The following TEX35 variants were observed in gnomAD, a reference collection of about 807,000 sequenced individuals.
The protein encoded by TEX35 is testis-expressed protein 35.
Under a neutral mutation model 31.9 loss-of-function variants are expected in TEX35, and 26 were observed. That is an observed-to-expected ratio of 0.81 (90% CI 0.60 to 1.13). The LOEUF is 1.13. Among genes scored for constraint, TEX35 ranks in the 50% most tolerant of loss-of-function variants. The probability of loss-of-function intolerance (pLI) is 0.00; values close to 1 mark genes in which losing one functional copy is unlikely to be tolerated. For missense variants in TEX35, 278 were observed against 273.5 expected, an observed-to-expected ratio of 1.02 and a Z score of -0.12; for synonymous variants, 87 against 90.7, an observed-to-expected ratio of 0.96 and a Z score of 0.23.
intron 5 of TEX35, among the ~76,000 whole-genome samples, chr1:178,519,174 C>T (rs1650181542): frequency 6.6e-6 from 1 of 152,072 alleles, no homozygotes; most frequent in Non-Finnish European, 1.5e-5. Flanking sequence ...GCAAGAACAC[C>T]ACAGCTGGAC....
At position 178,516,678 on chromosome 1, in the gene TEX35, A is replaced by C. The variant is rs747397320; in HGVS notation, c.276+4A>C. The C allele has an allele frequency of 6.2e-6, 10 of 1,607,092 alleles. No homozygotes were observed. Among genetic ancestry groups the C allele is most frequent in the Admixed American group, 5.0e-5 (3 of 59,608 alleles). ...CGAATTTGTGGAAATTATGAAGGTA[A>C]GCATTACTTGAGTGCCTTCCATGGG... On this transcript the variant is annotated splice_donor_region_variant and intron_variant, in intron 5 of 8. Coordinates refer to ENST00000319416, the MANE Select transcript of TEX35 (RefSeq NM_032126.5).
rs199926250 is a variant in TEX35 at position 178,514,070 on chromosome 1, C to T, written c.83C>T (p.Pro28Leu). 2.4e-4 allele frequency: 392 copies of T among 1,614,196 alleles called. No homozygotes were observed. The highest frequency in any genetic ancestry group is 3.0e-4 in the Non-Finnish European group (356 of 1,180,040). ...KAVCLELKPEPTKTFDYKAVK... is the reference protein window; with the variant it reads ...KAVCLELKPELTKTFDYKAVK... Reference sequence around the variant, plus strand: ...GTTTGCCTGGAATTGAAGCCAGAGCCGACCAAAGTAAGAAGCCCTTTTGAG... The same window carrying T: ...GTTTGCCTGGAATTGAAGCCAGAGCTGACCAAAGTAAGAAGCCCTTTTGAG... Residue 28 changes from proline (P) to leucine (L), a missense_variant, in exon 2 of 9, where the codon CCG becomes CTG. Coordinates refer to ENST00000319416, the MANE Select transcript of TEX35 (RefSeq NM_032126.5).
At chr1:178,522,055 C>T (rs1216258169) in intron 8 of TEX35, 28 of 653,704 alleles carry the variant, frequency 4.3e-5, no homozygotes, top group Non-Finnish European at 6.6e-5. Flanking sequence ...GGACGCCAGT[C>T]TGTGTGGTCT....
At chr1:178,516,355 G>A (rs1650077889) in intron 4 of TEX35, among the ~76,000 whole-genome samples, 2 of 152,348 alleles carry the variant, frequency 1.3e-5, no homozygotes, top group South Asian at 4.1e-4. Context: ...TGTAATCGAA[G>A]CTGTGGTTCA....
At chr1:178,522,940 C>A (rs1650338204), downstream of TEX35, among the ~76,000 whole-genome samples, 1 of 152,170 alleles carries the variant, frequency 6.6e-6, no homozygotes, top group African/African-American at 2.4e-5. Context: ...CCCTACCGGC[C>A]CCCAAGCCCC....
chr1:178,515,562 C>CATTA (rs778839622), intron 3 of TEX35, among the ~76,000 whole-genome samples: 4 of 151,956 alleles, frequency 2.6e-5, no homozygotes, highest in South Asian at 4.2e-4. Flanking sequence ...CTTTTTAAAA[C>CATTA]ATTAATTAAT....
intron 8 of TEX35, chr1:178,521,711 T>A (rs1310068380): frequency 6.4e-7 from 1 of 1,551,830 alleles, no homozygotes. Context: ...ATTCATCACC[T>A]CCAAGCTCCT....
intron 5 of TEX35, among the ~76,000 whole-genome samples, chr1:178,518,565 A>T (rs917200212): frequency 1.1e-4 from 16 of 152,314 alleles, no homozygotes; most frequent in African/African-American, 2.9e-4. Context: ...AATAAGAACT[A>T]AAAAAGCAAG....
intron 8 of TEX35, 118 bp downstream of exon 8, chr1:178,521,382 G>A: frequency 7.9e-7 from 1 of 1,269,524 alleles, no homozygotes; most frequent in South Asian, 1.2e-5. Context: ...CAGGAGTAGG[G>A]ACTGTTAGCA....
chr1:178,516,740 C>A, intron 5 of TEX35, 66 bp downstream of exon 5: 2 of 1,131,278 alleles, frequency 1.8e-6, no homozygotes, highest in Non-Finnish European at 2.6e-6. Context: ...GAGACACCAG[C>A]AGACCCTGCC....
chr1:178,513,338 CTT>C, intron 1 of TEX35, 111 bp downstream of exon 1: 1 of 1,393,158 alleles, frequency 7.2e-7, no homozygotes, highest in East Asian at 2.4e-5. Context: ...TCTGGTTTTT[CTT>C]TCTCTGTACT....
At position 178,521,264 on chromosome 1, in the gene TEX35, G is replaced by T. The variant is rs201449108; in HGVS notation, c.586G>T (p.Gly196Trp). 1.9e-6 allele frequency: 3 copies of T among 1,614,202 alleles called. No individual in the cohort carries two copies. The African/African-American group carries it at 4.0e-5, about 22-fold the overall frequency. ...TGCTCTAAAGAACAACTACAATCGGGGTAGGTAGATTCATACAAGATGTGC... is the reference window on the plus strand; with the variant it reads ...TGCTCTAAAGAACAACTACAATCGGTGTAGGTAGATTCATACAAGATGTGC... Reference protein sequence around the residue: ...LCALKNNYNRGNIPSEASGLY... With the variant: ...LCALKNNYNRWNIPSEASGLY... Residue 196 changes from glycine to tryptophan, a missense_variant and splice_region_variant, in exon 8 of 9, where the codon GGG becomes TGG. Gly to Trp is a radical substitution (Grantham distance 184). Transcript: ENST00000319416.
At chr1:178,520,281 T>C in intron 5 of TEX35, 91 bp from the exon 6 acceptor site, 1 of 1,313,622 alleles carries the variant, frequency 7.6e-7, no homozygotes, top group South Asian at 1.4e-5. Context: ...CTTGAGGAAG[T>C]AAGATGCAGA....
intron 4 of TEX35, 78 bp from the exon 5 acceptor site, chr1:178,516,537 A>C: frequency 7.6e-7 from 1 of 1,320,316 alleles, no homozygotes; most frequent in South Asian, 1.2e-5. Flanking sequence ...CCTTTGCTTA[A>C]AATGCCTGAA....
At chr1:178,521,085 C>A in intron 7 of TEX35, 137 bp from the exon 8 acceptor site, 1 of 1,578,768 alleles carries the variant, frequency 6.3e-7, no homozygotes, top group South Asian at 1.2e-5. Context: ...AGGACTTGAC[C>A]CTGGATGGGC....
chr1:178,521,006 C>G (rs978167922), intron 7 of TEX35, 132 bp downstream of exon 7: 1 of 1,540,434 alleles, frequency 6.5e-7, no homozygotes, highest in African/African-American at 1.4e-5. Context: ...TGGGTGCCGC[C>G]CGAGCCTGCG....
At position 178,520,651 on chromosome 1, in the gene TEX35, CT is replaced by C. The variant is rs778430025; in HGVS notation, c.342-21del. 4 of 1,611,676 alleles carry C rather than the reference CT, an allele frequency of 2.5e-6. No homozygotes were observed. In the African/African-American group the frequency reaches 5.3e-5, roughly 21 times the overall value. ...AAAATGTCTCCCCAACTCTCTGCCC[CT>C]CCCTGGCCCTCCTCCCCCAGTCCCC... On this transcript the variant is annotated intron_variant, in intron 6 of 8. Coordinates refer to ENST00000319416, the MANE Select transcript of TEX35 (RefSeq NM_032126.5).
rs771962107 is a variant in TEX35 at position 178,513,232 on chromosome 1, AAG to A, written c.39+11_39+12del. ...GAATTGAAGAAAACACATCTGGTAAAAGAGAGACATTGCTGGACAGTGTGGGT... is the reference window on the plus strand; with the variant it reads ...GAATTGAAGAAAACACATCTGGTAAAAGAGACATTGCTGGACAGTGTGGGT... On this transcript the variant is annotated splice_donor_region_variant and intron_variant, in intron 1 of 8. Coordinates refer to ENST00000319416, the MANE Select transcript of TEX35 (RefSeq NM_032126.5). The A allele has an allele frequency of 3.1e-6, 5 of 1,614,212 alleles. No individual in the cohort carries two copies. Among genetic ancestry groups the A allele is most frequent in the Admixed American group, 1.7e-5 (1 of 60,026 alleles).
Position 178,516,625 on chromosome 1 carries a change from T to C in TEX35, c.227T>C (p.Leu76Pro). 5 of 1,613,664 alleles carry C rather than the reference T, an allele frequency of 3.1e-6. No homozygotes were observed. Among genetic ancestry groups the C allele is most frequent in the Non-Finnish European group, 4.2e-6 (5 of 1,179,636 alleles). The stretch of plus-strand genomic sequence containing the variant: ...TTTCTTCCTTGTTAGATAAAGGATC[T>C]AATGGACAAGGATTTTGATAAACTT... ...KMEEIKQIKD[L>P]MDKDFDKLHE... Residue 76 changes from leucine (L) to proline (P), a missense_variant, in exon 5 of 9, where the codon CTA becomes CCA. Physicochemically the swap from Leu to Pro is moderately conservative, Grantham distance 98 (BLOSUM62 -3). Transcript: ENST00000319416.
Sources: gnomAD v4.1 joint callset for allele counts (sites outside exome capture counted in the v4.1 genomes callset) on GRCh38, gnomAD v4.1.1 for gene constraint, MANE v1.5 for transcripts, NCBI Gene and HGNC (gene_info 2026-07-23, HGNC 2026-07-21) for gene names.